Variants in PLCB4 observed in about 807,000 individuals in gnomAD.
The protein encoded by PLCB4 is 1-phosphatidylinositol 4,5-bisphosphate phosphodiesterase beta-4.
Under a neutral mutation model 178.8 loss-of-function variants are expected in PLCB4, and 77 were observed. That is an observed-to-expected ratio of 0.43 (90% CI 0.36 to 0.52). PLCB4 has a LOEUF of 0.52. Ranked by LOEUF, PLCB4 falls within the 20% of genes least tolerant of loss-of-function variation. PLCB4 has a pLI of 0.00. For missense variants in PLCB4, 1,024 were observed against 1,453.4 expected (o/e 0.70, Z 4.80); for synonymous variants, 496 against 490.8 (o/e 1.01, Z -0.14).
At chr20:9,471,736 G>GA (rs1487027710) in intron 36 of PLCB4, among the ~76,000 whole-genome samples, 1 of 152,156 alleles carries the variant, frequency 6.6e-6, no homozygotes, top group Non-Finnish European at 1.5e-5. Context: ...CAGAAAGTCT[G>GA]ATAGTACTAA....
At chr20:9,209,778 G>A (rs1025483760) in intron 2 of PLCB4, among the ~76,000 whole-genome samples, 2 of 151,722 alleles carry the variant, frequency 1.3e-5, no homozygotes, top group East Asian at 1.9e-4. Context: ...CCTGGTTAAC[G>A]TGGTGAAACC....
chr20:9,449,530 A>G (rs6077541), intron 32 of PLCB4, among the ~76,000 whole-genome samples: 33,164 of 152,064 alleles, frequency 0.22, 4,121 homozygotes, highest in East Asian at 0.36. Flanking sequence ...AAAAAATCAG[A>G]AAGCTTATCT....
intron 2 of PLCB4, among the ~76,000 whole-genome samples, chr20:9,099,033 G>A (rs1279677994): frequency 6.6e-6 from 1 of 151,718 alleles, no homozygotes; most frequent in Non-Finnish European, 1.5e-5. Flanking sequence ...ATTAAGAGGT[G>A]CTTTTTTATT....
At chr20:9,120,492 C>T (rs1176489485) in intron 2 of PLCB4, among the ~76,000 whole-genome samples, 1 of 152,060 alleles carries the variant, frequency 6.6e-6, no homozygotes, top group Non-Finnish European at 1.5e-5. Context: ...CTTGCCATCT[C>T]CCCTTCTCTC....
chr20:9,274,187 T>C (rs1432227249), intron 3 of PLCB4, among the ~76,000 whole-genome samples: 1 of 152,138 alleles, frequency 6.6e-6, no homozygotes, highest in African/African-American at 2.4e-5. Flanking sequence ...CATTTTTCTT[T>C]AGAAAGGAAA....
chr20:9,364,786 G>T (rs778055558), intron 8 of PLCB4, among the ~76,000 whole-genome samples: 2 of 152,174 alleles, frequency 1.3e-5, no homozygotes, highest in African/African-American at 4.8e-5. Context: ...GGAGTCATTA[G>T]CTAAGAAAAG....
At chr20:9,230,386 A>C (rs1481175564) in intron 3 of PLCB4, among the ~76,000 whole-genome samples, 1 of 152,154 alleles carries the variant, frequency 6.6e-6, no homozygotes, top group Non-Finnish European at 1.5e-5. Context: ...GTAAAGGAGA[A>C]CATAGGTAAA....
At chr20:9,427,520 TG>T (rs2041105476) in intron 28 of PLCB4, among the ~76,000 whole-genome samples, 1 of 152,186 alleles carries the variant, frequency 6.6e-6, no homozygotes, top group African/African-American at 2.4e-5. Context: ...AGTACTAGAT[TG>T]GGTGCTAGGA....
chr20:9,216,234 G>A (rs1453201064), intron 2 of PLCB4, among the ~76,000 whole-genome samples: 1 of 149,470 alleles, frequency 6.7e-6, no homozygotes, highest in Non-Finnish European at 1.5e-5. Flanking sequence ...GTTTGTTTTT[G>A]TGAGATGGAG....
intron 3 of PLCB4, among the ~76,000 whole-genome samples, chr20:9,219,724 A>G (rs980189670): frequency 9.9e-5 from 15 of 152,166 alleles, no homozygotes; most frequent in Non-Finnish European, 4.4e-5. Context: ...TTGAATTGTG[A>G]GTTGTTTTTA....
Position 9,213,218 on chromosome 20 carries a change from C to T in PLCB4, c.-78-4172C>T, listed in dbSNP as rs1378335253. On this transcript the variant is annotated intron_variant, in intron 2 of 39. Coordinates refer to ENST00000378473, the MANE Select transcript of PLCB4 (RefSeq NM_001377142.1). The stretch of plus-strand genomic sequence containing the variant: ...GCAGTGGTGCAGTGCAATCTCGGCT[C>T]ACTACAAACTCTATCTCCCAGGTTC... Among the ~76,000 whole-genome samples the T allele has an allele frequency of 2.3e-5, 3 of 131,676 alleles. 1 individual carries two copies. The highest frequency in any genetic ancestry group is 9.5e-5 in the African/African-American group (3 of 31,488). The allele number at this position is 131,676 out of a possible 152,430, so 86.4% of individuals were successfully genotyped here.
At chr20:9,223,781 C>T (rs79159395) in intron 3 of PLCB4, among the ~76,000 whole-genome samples, 11,246 of 152,202 alleles carry the variant, frequency 0.074, 906 homozygotes, top group African/African-American at 0.2. Flanking sequence ...GTAGGGGTTA[C>T]GTCCCAAGAC....
intron 23 of PLCB4, 110 bp from the exon 24 acceptor site, chr20:9,408,947 T>C: frequency 1.1e-6 from 1 of 926,070 alleles, no homozygotes; most frequent in Non-Finnish European, 1.7e-6. Context: ...TGCTCTGTGC[T>C]GTCTACTTGT....
Position 9,261,210 on chromosome 20 carries a change from CT to C in PLCB4, c.-16+43769del, listed in dbSNP as rs74350464. Among the ~76,000 whole-genome samples, 123 of 145,706 alleles carry C rather than the reference CT, an allele frequency of 8.4e-4. 1 individual carries two copies. Among genetic ancestry groups the C allele is most frequent in the Middle Eastern group, 7.2e-3 (2 of 276 alleles). On this transcript the variant is annotated intron_variant, in intron 3 of 39. Coordinates refer to ENST00000378473, the MANE Select transcript of PLCB4 (RefSeq NM_001377142.1). ...AAGCAAAGGGGATGCATGAATCTCT[CT>C]TTTTTTTTTTAATTTGCTGAGTGTA...
intron 3 of PLCB4, among the ~76,000 whole-genome samples, chr20:9,254,051 G>A (rs2094208561): frequency 6.6e-6 from 1 of 152,184 alleles, no homozygotes; most frequent in South Asian, 2.1e-4. Context: ...GGAACTGCCT[G>A]ACAGTCTTTT....
intron 9 of PLCB4, among the ~76,000 whole-genome samples, chr20:9,368,369 C>T (rs147048751): frequency 3.9e-3 from 592 of 152,294 alleles, no homozygotes; most frequent in Non-Finnish European, 6.8e-3. Flanking sequence ...CCCACTCAGA[C>T]CAAAGTTTTG....
intron 33 of PLCB4, among the ~76,000 whole-genome samples, 168 bp downstream of exon 33, chr20:9,453,630 A>G (rs1022123533): frequency 6.6e-6 from 1 of 152,190 alleles, no homozygotes; most frequent in Non-Finnish European, 1.5e-5. Flanking sequence ...ATGCTCTAAC[A>G]TCATAACAGG....
At chr20:9,205,864 A>G (rs897790523) in intron 2 of PLCB4, among the ~76,000 whole-genome samples, 2 of 152,214 alleles carry the variant, frequency 1.3e-5, no homozygotes, top group Non-Finnish European at 2.9e-5. Context: ...ATGGAATCAC[A>G]TAGTATGTAA....
intron 2 of PLCB4, among the ~76,000 whole-genome samples, chr20:9,138,485 CA>C (rs749123388): frequency 1.8e-4 from 28 of 151,992 alleles, no homozygotes; most frequent in Non-Finnish European, 3.2e-4. Context: ...AGGAGCATCT[CA>C]AAACAGGGAG....
Sources: allele counts gnomAD v4.1 joint callset (sites outside exome capture counted in the v4.1 genomes callset), GRCh38; gene constraint gnomAD v4.1.1; transcripts MANE v1.5; gene names NCBI Gene and HGNC (gene_info 2026-07-23, HGNC 2026-07-21).